Variants in GNAQ observed in about 807,000 individuals in gnomAD.
The protein encoded by GNAQ is G protein subunit alpha q, also known as guanine nucleotide-binding protein G(q) subunit alpha.
A neutral mutation model predicts 43.9 loss-of-function variants in GNAQ; 8 were observed. That is an observed-to-expected ratio of 0.18 (90% CI 0.11 to 0.33). The LOEUF is 0.33. Among genes scored for constraint, GNAQ ranks in the 10% least tolerant of loss-of-function variants. The pLI is 1.00. For synonymous variants in GNAQ, 155 were observed against 170.7 expected, an observed-to-expected ratio of 0.91 and a Z score of 0.71; for missense variants, 158 against 450.8, an observed-to-expected ratio of 0.35 and a Z score of 5.88.
chr9:77,940,963 C>CA (rs575987702), intron 1 of GNAQ, among the ~76,000 whole-genome samples: 101 of 113,022 alleles, frequency 8.9e-4, no homozygotes, highest in Middle Eastern at 5.4e-3. Context: ...GACTCCGTCT[C>CA]AAAAAAAAAA....
At chr9:77,824,327 A>G (rs546011322) in intron 2 of GNAQ, among the ~76,000 whole-genome samples, 113 of 152,310 alleles carry the variant, frequency 7.4e-4, no homozygotes, top group African/African-American at 2.5e-3. Flanking sequence ...GCTTAGAACA[A>G]GGTCTGCTGA....
intron 2 of GNAQ, among the ~76,000 whole-genome samples, chr9:77,871,466 TA>T (rs1828037537): frequency 6.6e-6 from 1 of 152,240 alleles, no homozygotes; most frequent in Admixed American, 6.5e-5. Context: ...CTTGCTTCTC[TA>T]AATCACAGAC....
At chr9:78,009,918 G>A (rs1823753415) in intron 1 of GNAQ, among the ~76,000 whole-genome samples, 1 of 152,180 alleles carries the variant, frequency 6.6e-6, no homozygotes, top group African/African-American at 2.4e-5. Flanking sequence ...AGGACTAGCA[G>A]TGCAATGCTG....
At chr9:77,857,337 T>G (rs1278475959) in intron 2 of GNAQ, among the ~76,000 whole-genome samples, 1 of 152,178 alleles carries the variant, frequency 6.6e-6, no homozygotes, top group African/African-American at 2.4e-5. Context: ...ATCAGCGGTG[T>G]ACAGCTCCCT....
chr9:77,836,774 A>G (rs1316451283), intron 2 of GNAQ, among the ~76,000 whole-genome samples: 1 of 152,236 alleles, frequency 6.6e-6, no homozygotes, highest in Admixed American at 6.5e-5. Flanking sequence ...CTATTAAACT[A>G]TACCCATTTA....
chr9:77,852,439 T>C (rs1391215864), intron 2 of GNAQ, among the ~76,000 whole-genome samples: 1 of 152,168 alleles, frequency 6.6e-6, no homozygotes, highest in South Asian at 2.1e-4. Context: ...ACCATGGCAA[T>C]GCATAATCAA....
intron 2 of GNAQ, among the ~76,000 whole-genome samples, chr9:77,860,046 G>C (rs891975567): frequency 4.6e-5 from 7 of 152,290 alleles, no homozygotes; most frequent in Middle Eastern, 3.4e-3. Context: ...TGTGTTTCAT[G>C]CAAAATTTTT....
intron 5 of GNAQ, among the ~76,000 whole-genome samples, chr9:77,786,565 C>T (rs914295204): frequency 6.6e-6 from 1 of 151,994 alleles, no homozygotes; most frequent in African/African-American, 2.4e-5. Flanking sequence ...GATGGGACTC[C>T]AGTGAAGCAT....
intron 4 of GNAQ, among the ~76,000 whole-genome samples, chr9:77,796,603 TGA>T (rs1283194555): frequency 4.6e-5 from 7 of 152,202 alleles, no homozygotes; most frequent in Non-Finnish European, 7.3e-5. Flanking sequence ...ACACCAGCAG[TGA>T]GAGATGAGGT....
intron 1 of GNAQ, among the ~76,000 whole-genome samples, chr9:77,999,437 C>T (rs1246963544): frequency 6.6e-6 from 1 of 152,174 alleles, no homozygotes; most frequent in African/African-American, 2.4e-5. Context: ...AAACCAAACT[C>T]AGTACTTTAA....
In GNAQ at chr9:77,716,715, G is replaced by A; in HGVS notation, c.*4608C>T. 1 of 232,860 alleles carries A rather than the reference G, an allele frequency of 4.3e-6. No homozygotes were observed. The highest frequency in any genetic ancestry group is 8.5e-6 in the Non-Finnish European group (1 of 117,872). 14.4% of individuals were successfully genotyped at this position (232,860 alleles called of 1,614,324 possible). A position where few individuals can be genotyped will look rare whatever the true frequency, so the allele number is the denominator to read the frequency against. ...TAAAAGTCAGAATTTCTTTATCCAAGATCTGATTTTACCCAATAGATGTTT... is the reference window on the plus strand; with the variant it reads ...TAAAAGTCAGAATTTCTTTATCCAAAATCTGATTTTACCCAATAGATGTTT... On this transcript the variant is annotated 3_prime_UTR_variant, in exon 7 of 7. Coordinates refer to ENST00000286548, the MANE Select transcript of GNAQ (RefSeq NM_002072.5).
Position 77,728,563 on chromosome 9 carries a change from C to T in GNAQ, c.840G>A (p.Glu280=), listed in dbSNP as rs2118217373. The T allele has an allele frequency of 1.7e-5, 28 of 1,601,528 alleles. No individual in the cohort carries two copies. Among genetic ancestry groups the T allele is most frequent in the Non-Finnish European group, 2.4e-5 (28 of 1,169,120 alleles). The change falls in exon 6 of 7, where the codon GAG becomes GAA. Residue 280 remains glutamate (E), a synonymous_variant. Transcript: ENST00000286548. ...ILFLNKKDLL[E]EKIMYSHLVD... The stretch of plus-strand genomic sequence containing the variant: ...CTAGATGGGAATACATGATTTTCTC[C>T]TCTAGAAGATCTTTCTTGTTTAAGA...
chr9:77,842,134 C>T (rs1179486585), intron 2 of GNAQ, among the ~76,000 whole-genome samples: 1 of 152,232 alleles, frequency 6.6e-6, no homozygotes, highest in Non-Finnish European at 1.5e-5. Flanking sequence ...AACTCCTTGA[C>T]TGTCTTCCCC....
At chr9:77,868,116 A>G (rs577164323) in intron 2 of GNAQ, among the ~76,000 whole-genome samples, 13 of 152,360 alleles carry the variant, frequency 8.5e-5, no homozygotes, top group African/African-American at 2.4e-4. Flanking sequence ...TTTAGACTTT[A>G]TAAGTACATG....
Position 77,941,280 on chromosome 9 carries a change from C to T in GNAQ, c.137-18935G>A, listed in dbSNP as rs1043569779. Among the ~76,000 whole-genome samples the T allele has an allele frequency of 3.3e-5, 5 of 151,342 alleles. No homozygotes were observed. The East Asian group carries it at 7.9e-4, about 24-fold the overall frequency. ...CTTTTTTTTTTTTGAGACAGAGTCT[C>T]GCTCTGTCACCCAGGCTGGAGTGCA... On this transcript the variant is annotated intron_variant, in intron 1 of 6. Transcript: ENST00000286548.
chr9:77,845,351 C>CT (rs1176316096), intron 2 of GNAQ, among the ~76,000 whole-genome samples: 1 of 152,126 alleles, frequency 6.6e-6, no homozygotes, highest in Non-Finnish European at 1.5e-5. Flanking sequence ...TGGTGAATTG[C>CT]TTCAGTGTAT....
chr9:77,889,201 G>A (rs1828358587), intron 2 of GNAQ, among the ~76,000 whole-genome samples: 2 of 151,640 alleles, frequency 1.3e-5, no homozygotes, highest in African/African-American at 4.9e-5. Context: ...GATTGCTTGA[G>A]CTCAGGAATT....
chr9:77,833,539 G>C (rs1459619913), intron 2 of GNAQ, among the ~76,000 whole-genome samples: 1 of 152,166 alleles, frequency 6.6e-6, no homozygotes, highest in Non-Finnish European at 1.5e-5. Flanking sequence ...TTTGCCTTTG[G>C]CTATGTGTAG....
intron 2 of GNAQ, among the ~76,000 whole-genome samples, chr9:77,862,008 TAAAA>T (rs56145947): frequency 1.4e-4 from 17 of 118,106 alleles, no homozygotes; most frequent in Non-Finnish European, 1.9e-4. Flanking sequence ...CTGTCTGGGG[TAAAA>T]AAAAAAAAAA....
Sources: gnomAD v4.1 joint callset for allele counts (sites outside exome capture counted in the v4.1 genomes callset) on GRCh38, gnomAD v4.1.1 for gene constraint, MANE v1.5 for transcripts, NCBI Gene and HGNC (gene_info 2026-07-23, HGNC 2026-07-21) for gene names.